The following APLP2 variants were observed in gnomAD, a reference collection of about 807,000 sequenced individuals.
The protein encoded by APLP2 is CDEI box-binding protein.
In APLP2, 53 loss-of-function variants were observed where a neutral mutation model predicts 89.9. That is an observed-to-expected ratio of 0.59 (90% CI 0.47 to 0.74). The LOEUF (loss-of-function observed/expected upper bound fraction) is 0.74, where lower values mean the gene tolerates loss of function less well. Among genes scored for constraint, APLP2 ranks in the 30% least tolerant of loss-of-function variants. The pLI is 0.00. For synonymous variants in APLP2, 372 were observed against 348.6 expected, an observed-to-expected ratio of 1.07 and a Z score of -0.75; for missense variants, 973 against 975.9, an observed-to-expected ratio of 1.00 and a Z score of 0.04.
chr11:130,137,333 C>T, intron 13 of APLP2: 1 of 1,551,538 alleles, frequency 6.4e-7, no homozygotes, highest in Non-Finnish European at 8.9e-7. Context: ...CTTCATTCCT[C>T]TCCACTCCCT....
chr11:130,124,701 T>C (rs1950186928), intron 7 of APLP2, among the ~76,000 whole-genome samples: 1 of 152,214 alleles, frequency 6.6e-6, no homozygotes, highest in Non-Finnish European at 1.5e-5. Flanking sequence ...TCTTCCTTCC[T>C]TCTACCAAAA....
chr11:130,133,705 C>T lies in APLP2; in HGVS notation c.1661C>T (p.Ala554Val). The change falls in exon 12 of 17, where the codon GCC (alanine) becomes GTC (valine). Residue 554 changes from alanine to valine, a missense_variant. Transcript: ENST00000338167. ...CTGCTCTACAAAGTACCTTATGTAGCCCAAGAAATTCAAGAGGAAATTGGT... is the reference window on the plus strand; with the variant it reads ...CTGCTCTACAAAGTACCTTATGTAGTCCAAGAAATTCAAGAGGAAATTGGT... ...LSLLYKVPYV[A>V]QEIQEEIDEL... 4.3e-6 allele frequency: 7 copies of T among 1,613,874 alleles called. No individual in the cohort carries two copies. The highest frequency in any genetic ancestry group is 5.9e-6 in the Non-Finnish European group (7 of 1,179,760).
At chr11:130,118,271 A>G (rs1949433646) in intron 3 of APLP2, among the ~76,000 whole-genome samples, 1 of 152,200 alleles carries the variant, frequency 6.6e-6, no homozygotes, top group Non-Finnish European at 1.5e-5. Flanking sequence ...CTAGTTCCTC[A>G]AGACTTCACT....
At chr11:130,130,940 G>A (rs1394074064) in intron 11 of APLP2, among the ~76,000 whole-genome samples, 1 of 152,250 alleles carries the variant, frequency 6.6e-6, no homozygotes, top group Non-Finnish European at 1.5e-5. Flanking sequence ...GGCCTTTGGA[G>A]TATTGGAGCT....
At chr11:130,101,565 T>C (rs1236719091) in intron 1 of APLP2, 2 of 163,344 alleles carry the variant, frequency 1.2e-5, no homozygotes, top group Non-Finnish European at 2.7e-5. Context: ...TCAAATTGTG[T>C]GTTCTCTTTT....
chr11:130,088,462 A>G (rs1174344534), intron 1 of APLP2, among the ~76,000 whole-genome samples: 1 of 152,092 alleles, frequency 6.6e-6, no homozygotes, highest in Non-Finnish European at 1.5e-5. Flanking sequence ...AATGCGAATC[A>G]TCTAGGCATA....
At chr11:130,110,440 G>C in intron 2 of APLP2, 98 bp from the exon 3 acceptor site, 1 of 1,431,094 alleles carries the variant, frequency 7.0e-7, no homozygotes, top group African/African-American at 1.4e-5. Flanking sequence ...TGTAGGATAA[G>C]GGTGGAGGCT....
intron 1 of APLP2, chr11:130,070,561 C>T (rs113079288): frequency 0.063 from 81,096 of 1,291,048 alleles, 3,491 homozygotes; most frequent in African/African-American, 0.2. Flanking sequence ...GAGCGGCGGG[C>T]TTCGCCTTTG....
Position 130,144,757 on chromosome 11 carries a change from G to C in APLP2, c.*1309G>C, listed in dbSNP as rs984572141. ...ACCTACAAACTCCTTAATATGATCT[G>C]TGGAGAATGTACACAGTTTAAACAC... On this transcript the variant is annotated 3_prime_UTR_variant, in exon 17 of 17. Coordinates refer to ENST00000338167, the MANE Select transcript of APLP2 (RefSeq NM_001142276.2). 1.3e-5 allele frequency: 2 copies of C among 152,254 alleles called. No individual in the cohort carries two copies. The highest frequency in any genetic ancestry group is 4.8e-5 in the African/African-American group (2 of 41,298). The allele number at this position is 152,254 out of a possible 1,614,324, so 9.4% of individuals were successfully genotyped here.
At position 130,078,741 on chromosome 11, in the gene APLP2, CTG is replaced by C. The variant is rs546522173; in HGVS notation, c.105+8661_105+8662del. Among the ~76,000 whole-genome samples, 461 of 152,212 alleles carry C rather than the reference CTG, an allele frequency of 3.0e-3. 3 individuals carry two copies. The highest frequency in any genetic ancestry group is 0.011 in the African/African-American group (436 of 41,520). ...GTCATCCTTTCCCTTCTGCTCGGCT[CTG>C]TCACCCTTGTAATCAAGTATCTCCC... On this transcript the variant is annotated intron_variant, in intron 1 of 16. Coordinates refer to ENST00000338167, the MANE Select transcript of APLP2 (RefSeq NM_001142276.2).
intron 13 of APLP2, among the ~76,000 whole-genome samples, chr11:130,137,939 C>T (rs759525721): frequency 8.5e-5 from 13 of 152,244 alleles, no homozygotes; most frequent in Admixed American, 2.6e-4. Context: ...ACTGAACGTC[C>T]CTGTAGGATG....
chr11:130,131,021 G>T (rs747941901), intron 11 of APLP2, among the ~76,000 whole-genome samples: 8 of 151,916 alleles, frequency 5.3e-5, no homozygotes, highest in Non-Finnish European at 1.0e-4. Flanking sequence ...AGTGCTGCCG[G>T]GTTGACTCCC....
chr11:130,091,121 C>T (rs868670853), intron 1 of APLP2, among the ~76,000 whole-genome samples: 179 of 118,282 alleles, frequency 1.5e-3, no homozygotes, highest in African/African-American at 6.3e-3. Flanking sequence ...CCGGACGGGG[C>T]GGCTGGCCGG....
chr11:130,140,081 A>T (rs774380140), intron 13 of APLP2, among the ~76,000 whole-genome samples: 7 of 152,140 alleles, frequency 4.6e-5, no homozygotes, highest in African/African-American at 7.2e-5. Context: ...CCATGCTAGG[A>T]TGCCCCTCGG....
chr11:130,131,279 A>G (rs1344636590), intron 11 of APLP2, among the ~76,000 whole-genome samples: 1 of 152,176 alleles, frequency 6.6e-6, no homozygotes, highest in Non-Finnish European at 1.5e-5. Flanking sequence ...TTGTAGTTTC[A>G]GTAGAGACGG....
Position 130,073,048 on chromosome 11 carries a change from A to G in APLP2, c.105+2966A>G, listed in dbSNP as rs577115781. 5.9e-5 allele frequency among the ~76,000 whole-genome samples: 9 copies of G among 152,340 alleles called. No homozygotes were observed. In the East Asian group the frequency reaches 1.5e-3, roughly 26 times the overall value. On this transcript the variant is annotated intron_variant, in intron 1 of 16. Coordinates refer to ENST00000338167, the MANE Select transcript of APLP2 (RefSeq NM_001142276.2). ...TGGTTGGAAAACTTTTAACTGAAAT[A>G]ATTTGGTTATGCGAATTTACTTTTA...
At chr11:130,073,968 T>A (rs1258290093) in intron 1 of APLP2, among the ~76,000 whole-genome samples, 2 of 152,246 alleles carry the variant, frequency 1.3e-5, no homozygotes, top group African/African-American at 4.8e-5. Context: ...TACTGCATTT[T>A]TTGCCAAATT....
chr11:130,137,413 C>T (rs894409706), intron 13 of APLP2: 19 of 956,632 alleles, frequency 2.0e-5, no homozygotes, highest in East Asian at 4.8e-5. Flanking sequence ...CCTTCTGACA[C>T]GGCTGTGAGT....
At chr11:130,127,376 G>C (rs574416750) in intron 8 of APLP2, among the ~76,000 whole-genome samples, 2 of 152,296 alleles carry the variant, frequency 1.3e-5, no homozygotes, top group Non-Finnish European at 2.9e-5. Context: ...AAAAGGGAAT[G>C]CCTTGCTAGG....
Sources: gnomAD v4.1 joint callset for allele counts (sites outside exome capture counted in the v4.1 genomes callset) on GRCh38, gnomAD v4.1.1 for gene constraint, MANE v1.5 for transcripts, NCBI Gene and HGNC (gene_info 2026-07-23, HGNC 2026-07-21) for gene names.